IL1RAPL1: variants seen among roughly 807,000 people sequenced by gnomAD.
The protein encoded by IL1RAPL1 is interleukin-1 receptor accessory protein-like 1.
In IL1RAPL1, 3 loss-of-function variants were observed where a neutral mutation model predicts 48.4. The ratio of observed to expected loss-of-function variants is 0.06; its 90% CI spans 0.03 to 0.16. IL1RAPL1 has a LOEUF of 0.16. IL1RAPL1 is among the 10% of genes least tolerant of loss of function. The pLI is 1.00. For missense variants in IL1RAPL1, 349 were observed against 530.6 expected, an observed-to-expected ratio of 0.66 and a Z score of 3.36; for synonymous variants, 185 against 187.7, an observed-to-expected ratio of 0.99 and a Z score of 0.12.
intron 5 of IL1RAPL1, among the ~76,000 whole-genome samples, chrX:29,659,947 G>A (rs1370156894): frequency 9.0e-6 from 1 of 111,700 alleles, no homozygotes; most frequent in African/African-American, 3.3e-5. Context: ...TCACAGTTCT[G>A]CAGGCTGTGC....
chrX:29,344,051 G>T (rs1933117909), intron 3 of IL1RAPL1, among the ~76,000 whole-genome samples: 1 of 112,372 alleles, frequency 8.9e-6, no homozygotes, highest in Non-Finnish European at 1.9e-5. Context: ...TCAAAGCTTT[G>T]CCATACATAT....
At chrX:29,288,863 G>A (rs111876112) in intron 3 of IL1RAPL1, among the ~76,000 whole-genome samples, 39,797 of 111,012 alleles carry the variant, frequency 0.36, 6,819 homozygotes, top group Non-Finnish European at 0.53. Flanking sequence ...TCTGACTGGC[G>A]TGAGATGGTA....
intron 1 of IL1RAPL1, among the ~76,000 whole-genome samples, chrX:28,765,489 T>A (rs1936225177): frequency 9.0e-6 from 1 of 111,042 alleles, no homozygotes; most frequent in African/African-American, 3.3e-5. Context: ...TATGAAAAAA[T>A]TTAAGGTAAT....
At chrX:28,735,962 A>G (rs1445794370) in intron 1 of IL1RAPL1, among the ~76,000 whole-genome samples, 3 of 110,860 alleles carry the variant, frequency 2.7e-5, no homozygotes, top group Non-Finnish European at 5.7e-5. Context: ...GCCATTTTTC[A>G]TGGGTTTTAT....
At chrX:29,906,986 TG>T (rs1467413904) in intron 6 of IL1RAPL1, among the ~76,000 whole-genome samples, 1 of 111,270 alleles carries the variant, frequency 9.0e-6, no homozygotes, top group Non-Finnish European at 1.9e-5. Context: ...GTAGAATATA[TG>T]GGAGTATAAA....
intron 2 of IL1RAPL1, among the ~76,000 whole-genome samples, chrX:28,820,658 A>C (rs757988014): frequency 1.8e-5 from 2 of 111,549 alleles, no homozygotes; most frequent in Non-Finnish European, 3.8e-5. Flanking sequence ...CCAATGGAAA[A>C]ACTGAAAACA....
At chrX:28,782,150 A>C (rs1936429933) in intron 1 of IL1RAPL1, among the ~76,000 whole-genome samples, 1 of 111,305 alleles carries the variant, frequency 9.0e-6, no homozygotes, top group African/African-American at 3.3e-5. Flanking sequence ...TTTTCCCAAT[A>C]GATTTGTAAG....
chrX:29,176,305 C>T (rs760725155), intron 2 of IL1RAPL1, among the ~76,000 whole-genome samples: 88 of 103,766 alleles, frequency 8.5e-4, no homozygotes, highest in African/African-American at 2.9e-3. Flanking sequence ...GGGGTTTCAC[C>T]GTGTTAGCCA....
At chrX:28,750,638 C>G (rs1027908275) in intron 1 of IL1RAPL1, among the ~76,000 whole-genome samples, 1 of 111,781 alleles carries the variant, frequency 8.9e-6, no homozygotes, top group African/African-American at 3.2e-5. Flanking sequence ...TGAGTCATTT[C>G]TATACACTTA....
At chrX:28,987,509 CACACACACACACAT>C (rs1166806105) in intron 2 of IL1RAPL1, among the ~76,000 whole-genome samples, 1 of 110,807 alleles carries the variant, frequency 9.0e-6, no homozygotes, top group African/African-American at 3.3e-5. Flanking sequence ...CATATTTATA[CACACACACACACAT>C]ACACACACAC....
intron 6 of IL1RAPL1, among the ~76,000 whole-genome samples, chrX:29,772,311 A>T (rs1470882191): frequency 1.8e-5 from 2 of 110,405 alleles, no homozygotes; most frequent in African/African-American, 3.3e-5. Context: ...AAGTATTAGG[A>T]TGAGATATTT....
chrX:28,839,466 G>A (rs777900570), intron 2 of IL1RAPL1, among the ~76,000 whole-genome samples: 1 of 110,346 alleles, frequency 9.1e-6, no homozygotes, highest in Non-Finnish European at 1.9e-5. Flanking sequence ...CATTTGTTTA[G>A]TGAAACAAAA....
chrX:28,955,760 C>T (rs1445262910), intron 2 of IL1RAPL1, among the ~76,000 whole-genome samples: 7 of 101,607 alleles, frequency 6.9e-5, no homozygotes, highest in African/African-American at 2.6e-4. Context: ...CTTGGTGATG[C>T]GGGCTCTTTT....
chrX:29,661,212 T>G (rs1359028073), intron 5 of IL1RAPL1, among the ~76,000 whole-genome samples: 1 of 112,200 alleles, frequency 8.9e-6, no homozygotes, highest in Non-Finnish European at 1.9e-5. Context: ...AATCTAAGAG[T>G]TTTTTGGTGG....
At chrX:29,500,701 T>C (rs1331043425) in intron 5 of IL1RAPL1, among the ~76,000 whole-genome samples, 3 of 112,434 alleles carry the variant, frequency 2.7e-5, no homozygotes, top group Non-Finnish European at 5.6e-5. Context: ...TCACATTTTA[T>C]TTATCCATTC....
intron 6 of IL1RAPL1, among the ~76,000 whole-genome samples, chrX:29,870,331 C>T (rs1931775224): frequency 8.9e-6 from 1 of 112,060 alleles, no homozygotes; most frequent in African/African-American, 3.2e-5. Flanking sequence ...CTAGAGGGTC[C>T]TGATTGAGGC....
chrX:28,711,259 G>A (rs960969402), intron 1 of IL1RAPL1, among the ~76,000 whole-genome samples: 19 of 111,715 alleles, frequency 1.7e-4, no homozygotes, highest in African/African-American at 6.2e-4. Context: ...GGGGAAAAAG[G>A]TTGAAAGGTG....
intron 6 of IL1RAPL1, among the ~76,000 whole-genome samples, chrX:29,845,827 A>T (rs1193451275): frequency 3.6e-5 from 4 of 111,333 alleles, no homozygotes. Context: ...ACTTACAATC[A>T]TGCAGAAAGG....
intron 6 of IL1RAPL1, among the ~76,000 whole-genome samples, chrX:29,873,663 G>A (rs757698837): frequency 3.6e-5 from 4 of 111,818 alleles, no homozygotes; most frequent in African/African-American, 1.3e-4. Flanking sequence ...TTCTTTATAA[G>A]CCACCGACTT....
Sources: gnomAD v4.1 joint callset for allele counts (sites outside exome capture counted in the v4.1 genomes callset) on GRCh38, gnomAD v4.1.1 for gene constraint, MANE v1.5 for transcripts, NCBI Gene and HGNC (gene_info 2026-07-23, HGNC 2026-07-21) for gene names.